Variants in BCAR1 observed in about 807,000 individuals in gnomAD.
BCAR1 encodes BCAR1 scaffold protein, Cas family member.
In BCAR1, 30 loss-of-function variants were observed where a neutral mutation model predicts 67.6. The ratio of observed to expected loss-of-function variants is 0.44; its 90% CI spans 0.33 to 0.60. The LOEUF (loss-of-function observed/expected upper bound fraction) is 0.60. BCAR1 is among the 20% of genes least tolerant of loss of function. The pLI, the probability that BCAR1 is intolerant of heterozygous loss-of-function variation, is 0.02. For synonymous variants in BCAR1, 626 were observed against 556.7 expected, an observed-to-expected ratio of 1.12 and a Z score of -1.75; for missense variants, 1,313 against 1,222.3, an observed-to-expected ratio of 1.07 and a Z score of -1.11.
At chr16:75,248,168 G>A (rs150873019) in intron 1 of BCAR1, 1 of 1,583,184 alleles carries the variant, frequency 6.3e-7, no homozygotes, top group Non-Finnish European at 8.5e-7. Flanking sequence ...GAGCTGGGTG[G>A]CTCCACTTTA....
At position 75,235,184 on chromosome 16, in the gene BCAR1, G is replaced by A. The variant is rs967394158; in HGVS notation, c.1715C>T (p.Thr572Ile). The change falls in exon 5 of 7, where the codon ACC becomes ATC. Residue 572 changes from threonine to isoleucine, a missense_variant. By Grantham distance (89) the Thr-to-Ile change is moderately conservative. Around this residue, in one of 2 missense-constraint regions of BCAR1, gnomAD observed 1,272 missense variants for 1,137.5 expected, o/e 1.12. Coordinates refer to ENST00000162330, the MANE Select transcript of BCAR1 (RefSeq NM_014567.5). The stretch of plus-strand genomic sequence containing the variant: ...CACCAGCCGGTCCAGGTCCTCAAGG[G>A]TGGCTCCAGAGCCTCCCCGGCCAGC... ...LDAGRGGSGATLEDLDRLVAC... is the reference protein window; with the variant it reads ...LDAGRGGSGAILEDLDRLVAC... The A allele has an allele frequency of 3.1e-6, 5 of 1,608,960 alleles. No individual in the cohort carries two copies. The highest frequency in any genetic ancestry group is 2.2e-5 in the East Asian group (1 of 44,850).
At chr16:75,236,703 T>G (rs1383405751) in intron 4 of BCAR1, 179 bp downstream of exon 4, 3 of 1,246,142 alleles carry the variant, frequency 2.4e-6, no homozygotes, top group Non-Finnish European at 3.1e-6. Flanking sequence ...ACAAAGAACC[T>G]GAGGCTCAGA....
chr16:75,236,344 A>C, intron 4 of BCAR1: 1 of 362,886 alleles, frequency 2.8e-6, no homozygotes, highest in East Asian at 5.3e-5. Context: ...ACACTCACTG[A>C]AAGGTTAGCT....
chr16:75,251,380 G>A (rs990889817), intron 1 of BCAR1, 91 bp downstream of exon 1: 166 of 1,446,892 alleles, frequency 1.1e-4, no homozygotes, highest in Middle Eastern at 1.1e-3. Context: ...AGGCCCCGCA[G>A]GTCCGGCAGG....
chr16:75,255,351 G>C (rs1307349559), upstream of BCAR1, among the ~76,000 whole-genome samples: 1 of 152,120 alleles, frequency 6.6e-6, no homozygotes, highest in Non-Finnish European at 1.5e-5. Context: ...CCAGCCCCAG[G>C]AACAGGAAGA....
In BCAR1 at chr16:75,235,075, G is replaced by A; in HGVS notation, c.1824C>T (p.Thr608=). The change falls in exon 5 of 7, where the codon ACC becomes ACT. Residue 608 remains threonine (T), a synonymous_variant. Coordinates refer to ENST00000162330, the MANE Select transcript of BCAR1 (RefSeq NM_014567.5). ...CCTCAGGCCCCGGGGCAGTGGCCTT[G>A]GTCCGTCTGAAGAGCAGTGAGGCAT... The part of the protein sequence containing the change: ...HGNASLLFRR[T]KATAPGPEGG... 6.2e-7 allele frequency: 1 copy of A among 1,612,946 alleles called. No individual in the cohort carries two copies. The highest frequency in any genetic ancestry group is 8.5e-7 in the Non-Finnish European group (1 of 1,180,036).
At chr16:75,250,979 T>C (rs2077663272) in intron 1 of BCAR1, 1 of 985,576 alleles carries the variant, frequency 1.0e-6, no homozygotes, top group Non-Finnish European at 1.2e-6. Flanking sequence ...CTGCGCAGCC[T>C]TCCCCGCTGG....
rs201347528 is a variant in BCAR1 at position 75,236,884 on chromosome 16, C to T, written c.910G>A (p.Ala304Thr). The T allele has an allele frequency of 6.1e-5, 99 of 1,612,372 alleles. No individual in the cohort carries two copies. The highest frequency in any genetic ancestry group is 7.5e-5 in the Non-Finnish European group (89 of 1,179,336). The change falls in exon 4 of 7, where the codon GCA becomes ACA. Residue 304 changes from alanine (A) to threonine (T), a missense_variant and splice_region_variant. Transcript: ENST00000162330. ...EKGLPPSNHH[A>T]VYDVPPSVSK... ...GCATTGCCCTGGCATTTGCTCACTG[C>T]GTGGTGGTTGGACGGTGGCAGGCCC...
intron 1 of BCAR1, chr16:75,246,886 G>C (rs1409027231): frequency 6.6e-6 from 1 of 152,304 alleles, no homozygotes; most frequent in African/African-American, 2.4e-5. Flanking sequence ...TCCTGCCCAA[G>C]TTTTCAAGGG....
rs2076823591 is a variant in BCAR1 at position 75,229,690 on chromosome 16, C to T, written c.2434G>A (p.Val812Met). Residue 812 changes from valine (V) to methionine (M), a missense_variant, in exon 7 of 7, where the codon GTG (valine) becomes ATG (methionine). This residue lies in a region of BCAR1 where 1,272 missense variants were observed against 1,137.5 expected (regional missense o/e 1.12). Coordinates refer to ENST00000162330, the MANE Select transcript of BCAR1 (RefSeq NM_014567.5). ...CACAGCAGGTTGCTGTAGTGGGTCACCTGGCTGCGCACGTCAGCAGCCTTG... is the reference window on the plus strand; with the variant it reads ...CACAGCAGGTTGCTGTAGTGGGTCATCTGGCTGCGCACGTCAGCAGCCTTG... The part of the protein sequence containing the change: ...QAKAADVRSQ[V>M]THYSNLLCDL... 1 of 1,612,884 alleles carries T rather than the reference C, an allele frequency of 6.2e-7. No homozygotes were observed. Among genetic ancestry groups the T allele is most frequent in the Non-Finnish European group, 8.5e-7 (1 of 1,179,914 alleles).
chr16:75,230,717 C>G (rs1234402477), intron 6 of BCAR1, among the ~76,000 whole-genome samples: 5 of 152,224 alleles, frequency 3.3e-5, no homozygotes, highest in Non-Finnish European at 7.3e-5. Flanking sequence ...CTGGTAAGCT[C>G]TGTGCCACCC....
chr16:75,238,001 A>G, intron 2 of BCAR1: 2 of 1,278,772 alleles, frequency 1.6e-6, no homozygotes, highest in Non-Finnish European at 2.0e-6. Context: ...AGCTGCCTGC[A>G]GCAGGTAAGA....
At chr16:75,243,493 C>T (rs199813375) in intron 1 of BCAR1, 23 of 529,338 alleles carry the variant, frequency 4.3e-5, no homozygotes, top group Non-Finnish European at 6.3e-5. Context: ...TCGAGGTGCA[C>T]GAAAATAATC....
chr16:75,266,766 C>T (rs547446342), intron 1 of BCAR1: 11 of 1,451,790 alleles, frequency 7.6e-6, no homozygotes, highest in Admixed American at 2.1e-5. Flanking sequence ...TTCCTGGGGA[C>T]GGTGGGTGAG....
intron 1 of BCAR1, chr16:75,263,175 C>A: frequency 7.1e-6 from 7 of 983,242 alleles, no homozygotes; most frequent in Non-Finnish European, 8.5e-6. Flanking sequence ...GCCACACTCA[C>A]TTCACAGATG....
chr16:75,234,069 G>T, intron 5 of BCAR1, 134 bp from the exon 6 acceptor site: 1 of 745,222 alleles, frequency 1.3e-6, no homozygotes, highest in Non-Finnish European at 2.3e-6. Flanking sequence ...ACGCACACGT[G>T]GACGCACACA....
intron 5 of BCAR1, 109 bp from the exon 6 acceptor site, chr16:75,234,044 TGTGCGCGCACACACACGCACAC>T: frequency 9.7e-7 from 1 of 1,027,994 alleles, no homozygotes; most frequent in East Asian, 2.6e-5. Flanking sequence ...TGGTGCTGCG[TGTGCGCGCACACACACGCACAC>T]GTGGACGCAC....
At chr16:75,255,036 A>G (rs1216409243), upstream of BCAR1, among the ~76,000 whole-genome samples, 1 of 152,230 alleles carries the variant, frequency 6.6e-6, no homozygotes, top group Non-Finnish European at 1.5e-5. Context: ...CAAAGCATGG[A>G]GCAAAACAGG....
chr16:75,265,749 G>T, intron 1 of BCAR1: 1 of 1,192,978 alleles, frequency 8.4e-7, no homozygotes, highest in Non-Finnish European at 1.0e-6. Context: ...GCGGCATCAG[G>T]CCCGCAGCGG....
Sources: gnomAD v4.1 joint callset for allele counts (sites outside exome capture counted in the v4.1 genomes callset) on GRCh38, gnomAD v4.1.1 for gene constraint, gnomAD v4.1.1 regional missense constraint, MANE v1.5 for transcripts, NCBI Gene and HGNC (gene_info 2026-07-23, HGNC 2026-07-21) for gene names.